The following PCDH11Y variants were observed in gnomAD, a reference collection of about 807,000 sequenced individuals.
The protein encoded by PCDH11Y is protocadherin-11 Y-linked.
For missense variants in PCDH11Y, 12 were observed against 224.8 expected (o/e 0.05, Z 6.05); for synonymous variants, 9 against 83.6 (o/e 0.11, Z 4.87).
chrY:5,701,917 G>A (rs2053578387), intron 4 of PCDH11Y, among the ~76,000 whole-genome samples: 1 of 33,562 alleles, frequency 3.0e-5, no homozygotes, highest in Non-Finnish European at 7.4e-5. Flanking sequence ...TTGCATTAGC[G>A]TGACCTGGAT....
chrY:5,274,542 G>A (rs2053041716), intron 2 of PCDH11Y, among the ~76,000 whole-genome samples: 3 of 33,356 alleles, frequency 9.0e-5, no homozygotes, highest in Non-Finnish European at 2.2e-4. Context: ...ACGGGGTTTC[G>A]CCACGTTGGG....
chrY:5,704,306 G>A, intron 4 of PCDH11Y, among the ~76,000 whole-genome samples: 2 of 32,789 alleles, frequency 6.1e-5, no homozygotes, highest in African/African-American at 2.4e-4. Context: ...CCTCCCACCA[G>A]GCCCCCTGCC....
chrY:5,537,483 C>G, intron 3 of PCDH11Y, among the ~76,000 whole-genome samples: 2 of 32,105 alleles, frequency 6.2e-5, no homozygotes, highest in Non-Finnish European at 1.5e-4. Flanking sequence ...AGGGGATAAT[C>G]TGAAGTTAAG....
At chrY:5,265,115 G>A in intron 2 of PCDH11Y, among the ~76,000 whole-genome samples, 1 of 33,425 alleles carries the variant, frequency 3.0e-5, no homozygotes, top group Non-Finnish European at 7.4e-5. Context: ...CACTGCCAGC[G>A]ATATGGGAGG....
At chrY:5,544,674 T>C in intron 3 of PCDH11Y, among the ~76,000 whole-genome samples, 1 of 32,287 alleles carries the variant, frequency 3.1e-5, no homozygotes, top group Non-Finnish European at 7.7e-5. Context: ...AAACTAAAGC[T>C]ATTATTTTGG....
chrY:5,603,790 C>T, intron 4 of PCDH11Y, among the ~76,000 whole-genome samples: 1 of 23,955 alleles, frequency 4.2e-5, no homozygotes, highest in African/African-American at 1.7e-4. Context: ...TCATGCGTGC[C>T]CAGGAGACCT....
chrY:5,313,552 C>CCAAAA (rs2053103999), intron 2 of PCDH11Y, among the ~76,000 whole-genome samples: 1 of 32,178 alleles, frequency 3.1e-5, no homozygotes, highest in Non-Finnish European at 7.6e-5. Context: ...GAAGAAATTA[C>CCAAAA]CAAAACAAAA....
At chrY:5,598,138 G>A in intron 4 of PCDH11Y, among the ~76,000 whole-genome samples, 3 of 31,496 alleles carry the variant, frequency 9.5e-5, no homozygotes, top group Non-Finnish European at 2.3e-4. Flanking sequence ...ATACATATTT[G>A]TTTGTATTTA....
intron 2 of PCDH11Y, among the ~76,000 whole-genome samples, chrY:5,425,336 C>A (rs1602923370): frequency 3.0e-5 from 1 of 33,025 alleles, no homozygotes; most frequent in Non-Finnish European, 7.5e-5. Context: ...AACTAAATTT[C>A]CAGTTTATCT....
At chrY:5,298,731 T>C in intron 2 of PCDH11Y, among the ~76,000 whole-genome samples, 3 of 33,535 alleles carry the variant, frequency 8.9e-5, no homozygotes, top group Non-Finnish European at 2.2e-4. Flanking sequence ...TTCCTTTAGG[T>C]GGCTCTTGGA....
chrY:5,370,765 A>G, intron 2 of PCDH11Y, among the ~76,000 whole-genome samples: 1 of 30,193 alleles, frequency 3.3e-5, no homozygotes, highest in Non-Finnish European at 7.9e-5. Flanking sequence ...CTCTCCAAAG[A>G]TGTTTCAGTT....
intron 3 of PCDH11Y, among the ~76,000 whole-genome samples, chrY:5,514,990 G>A (rs2053370498): frequency 1.5e-4 from 5 of 33,618 alleles, no homozygotes; most frequent in African/African-American, 4.6e-4. Context: ...AATGCTGAAT[G>A]TCCTATCAGA....
chrY:5,498,469 A>T, intron 2 of PCDH11Y, among the ~76,000 whole-genome samples: 1 of 34,300 alleles, frequency 2.9e-5, no homozygotes, highest in African/African-American at 1.1e-4. Flanking sequence ...CTTTTATGAA[A>T]CTCTGCTTTT....
chrY:5,233,703 C>T, intron 2 of PCDH11Y, among the ~76,000 whole-genome samples: 1 of 32,754 alleles, frequency 3.1e-5, no homozygotes, highest in Non-Finnish European at 7.5e-5. Flanking sequence ...TAAGATTGGA[C>T]ATTGTTATGA....
intron 2 of PCDH11Y, among the ~76,000 whole-genome samples, chrY:5,436,124 G>A: frequency 1.2e-4 from 4 of 33,668 alleles, no homozygotes; most frequent in South Asian, 6.4e-4. Flanking sequence ...CAGCAGAAAC[G>A]TATATACTTT....
At chrY:5,519,407 A>T (rs2053377789) in intron 3 of PCDH11Y, among the ~76,000 whole-genome samples, 1 of 30,581 alleles carries the variant, frequency 3.3e-5, no homozygotes, top group East Asian at 8.4e-4. Flanking sequence ...AAAAAAAAAA[A>T]GCTTTTTGTG....
chrY:5,126,035 T>C, intron 2 of PCDH11Y, among the ~76,000 whole-genome samples: 1 of 32,492 alleles, frequency 3.1e-5, no homozygotes, highest in African/African-American at 1.2e-4. Context: ...AACTCCAAAA[T>C]TGAAGGCAGT....
intron 2 of PCDH11Y, among the ~76,000 whole-genome samples, chrY:5,229,536 G>A (rs2052965705): frequency 3.2e-5 from 1 of 30,875 alleles, no homozygotes. Flanking sequence ...GGATGGTCTC[G>A]ATCTCCTCAC....
intron 4 of PCDH11Y, among the ~76,000 whole-genome samples, chrY:5,685,416 G>A: frequency 3.2e-5 from 1 of 31,653 alleles, no homozygotes; most frequent in Non-Finnish European, 7.7e-5. Flanking sequence ...TTTAAGCTCT[G>A]GTAGACACAA....
Sources: gnomAD v4.1 joint callset for allele counts (sites outside exome capture counted in the v4.1 genomes callset) on GRCh38, gnomAD v4.1.1 for gene constraint, MANE v1.5 for transcripts, NCBI Gene and HGNC (gene_info 2026-07-23, HGNC 2026-07-21) for gene names.